Variants in MYH15 observed in about 807,000 individuals in gnomAD.
MYH15 encodes myosin heavy chain 15.
Under a neutral mutation model 240.5 loss-of-function variants are expected in MYH15, and 227 were observed. The observed-to-expected ratio is 0.94, with a 90% CI of 0.85 to 1.05. The LOEUF (loss-of-function observed/expected upper bound fraction) is 1.05, where lower values mean the gene tolerates loss of function less well. MYH15 is among the 50% of genes least tolerant of loss of function. The pLI, the probability that MYH15 is intolerant of heterozygous loss-of-function variation, is 0.00. For synonymous variants in MYH15, 785 were observed against 796.7 expected, an observed-to-expected ratio of 0.99 and a Z score of 0.25; for missense variants, 2,217 against 2,247.5, an observed-to-expected ratio of 0.99 and a Z score of 0.27.
chr3:108,458,060 TTAA>T (rs1262883757), intron 18 of MYH15, among the ~76,000 whole-genome samples: 1 of 151,750 alleles, frequency 6.6e-6, no homozygotes, highest in East Asian at 1.9e-4. Flanking sequence ...ATTATTTTTT[TTAA>T]AAAAGGGAGG....
At chr3:108,394,485 G>A (rs911306050) in intron 35 of MYH15, among the ~76,000 whole-genome samples, 5 of 152,228 alleles carry the variant, frequency 3.3e-5, no homozygotes, top group Non-Finnish European at 5.9e-5. Context: ...GCTTTTGGAT[G>A]TGGTAGAAAC....
At chr3:108,423,305 A>G (rs1053413601) in intron 27 of MYH15, among the ~76,000 whole-genome samples, 5 of 152,172 alleles carry the variant, frequency 3.3e-5, no homozygotes, top group African/African-American at 1.2e-4. Flanking sequence ...TCTCTGAAAG[A>G]CTACTGAATT....
chr3:108,448,026 C>A (rs2082942681), intron 21 of MYH15, among the ~76,000 whole-genome samples: 1 of 151,822 alleles, frequency 6.6e-6, no homozygotes, highest in Non-Finnish European at 1.5e-5. Context: ...TAAACTATTG[C>A]CAGCTTAAAA....
intron 1 of MYH15, 38 bp from the exon 2 acceptor site, chr3:108,505,867 T>G (rs1576274334): frequency 1.5e-6 from 2 of 1,346,712 alleles, no homozygotes; most frequent in East Asian, 4.7e-5. Flanking sequence ...ATTATAGCTA[T>G]AGTACTTACA....
chr3:108,536,735 A>G, the MYH15 span, among the ~76,000 whole-genome samples: 3 of 152,312 alleles, frequency 2.0e-5, no homozygotes, highest in Admixed American at 6.5e-5. Flanking sequence ...CAAGTTTCCA[A>G]TAAGGGGCCT....
intron 28 of MYH15, among the ~76,000 whole-genome samples, chr3:108,419,808 G>A (rs914612512): frequency 6.6e-6 from 1 of 152,068 alleles, no homozygotes; most frequent in African/African-American, 2.4e-5. Flanking sequence ...TGTGTTATAT[G>A]TAGCCCAAAT....
chr3:108,416,419 G>T (rs2082632918), intron 29 of MYH15, among the ~76,000 whole-genome samples: 1 of 152,176 alleles, frequency 6.6e-6, no homozygotes. Flanking sequence ...AGGAAGAAAT[G>T]ACTAATTTCT....
chr3:108,443,734 G>A (rs1221059183), intron 22 of MYH15, among the ~76,000 whole-genome samples: 1 of 151,944 alleles, frequency 6.6e-6, no homozygotes, highest in African/African-American at 2.4e-5. Context: ...CCCATAAAGC[G>A]ACATGATGCT....
intron 28 of MYH15, 33 bp from the exon 29 acceptor site, chr3:108,416,963 C>A: frequency 2.0e-6 from 3 of 1,508,368 alleles, no homozygotes; most frequent in Non-Finnish European, 2.8e-6. Context: ...TACATAATTA[C>A]AGTCTTCCTA....
At chr3:108,438,164 T>C (rs1304300919) in intron 24 of MYH15, among the ~76,000 whole-genome samples, 1 of 152,228 alleles carries the variant, frequency 6.6e-6, no homozygotes, top group Non-Finnish European at 1.5e-5. Flanking sequence ...ATGATCATCC[T>C]TAATAATTTG....
the MYH15 span, among the ~76,000 whole-genome samples, chr3:108,538,665 G>A: frequency 6.6e-6 from 1 of 152,144 alleles, no homozygotes; most frequent in Non-Finnish European, 1.5e-5. Context: ...AACTATCACT[G>A]TTTTGTGGAC....
At chr3:108,529,195 G>C in intron 1 of MYH15, 1 of 1,464,860 alleles carries the variant, frequency 6.8e-7, no homozygotes, top group South Asian at 1.2e-5. Flanking sequence ...TAAAATTCTA[G>C]GCTGCTACTG....
At chr3:108,539,481 T>A in the MYH15 span, among the ~76,000 whole-genome samples, 8 of 152,294 alleles carry the variant, frequency 5.3e-5, no homozygotes, top group Non-Finnish European at 4.4e-5. Flanking sequence ...CAAGCAACTA[T>A]GTATTAGCAG....
rs144221103 is a variant in MYH15 at position 108,455,765 on chromosome 3, G to C, written c.2233C>G (p.His745Asp). ...EELLGSLEID[H>D]TQYRFGITKV... ...GTGATTCCAAATCGGTACTGGGTAT[G>C]GTCTATCTCCAAGGAGCCAAGTAAT... The change falls in exon 20 of 41, where the codon CAT becomes GAT. Residue 745 changes from histidine (H) to aspartate (D), a missense_variant. His to Asp is a moderately conservative substitution (Grantham distance 81). Transcript: ENST00000693548. 1.1e-3 allele frequency: 1,845 copies of C among 1,613,816 alleles called. 3 individuals carry two copies. The highest frequency in any genetic ancestry group is 1.5e-3 in the Non-Finnish European group (1,749 of 1,179,812).
intron 1 of MYH15, among the ~76,000 whole-genome samples, chr3:108,523,477 T>A (rs1331728135): frequency 6.6e-6 from 1 of 152,036 alleles, no homozygotes; most frequent in African/African-American, 2.4e-5. Flanking sequence ...TAAAGAATTA[T>A]GTAAATGTTT....
the MYH15 span, among the ~76,000 whole-genome samples, chr3:108,540,628 T>C: frequency 6.6e-6 from 1 of 152,178 alleles, no homozygotes; most frequent in Admixed American, 6.5e-5. Flanking sequence ...TAATAAAAAT[T>C]TTTAGTAAAA....
chr3:108,477,442 T>C (rs1377467519), intron 11 of MYH15, among the ~76,000 whole-genome samples: 2 of 152,188 alleles, frequency 1.3e-5, no homozygotes, highest in Non-Finnish European at 2.9e-5. Context: ...CCAATAACTA[T>C]ACAGTTTAAA....
chr3:108,536,249 A>G, the MYH15 span, among the ~76,000 whole-genome samples: 1 of 152,120 alleles, frequency 6.6e-6, no homozygotes, highest in Admixed American at 6.5e-5. Context: ...TAGGTGACAG[A>G]GTGAGACTTT....
At chr3:108,549,762 A>T in the MYH15 span, 1 of 152,050 alleles carries the variant, frequency 6.6e-6, no homozygotes, top group East Asian at 1.9e-4. Context: ...ATAGGGTAGC[A>T]CTAGGCTAGG....
Sources: allele counts gnomAD v4.1 joint callset (sites outside exome capture counted in the v4.1 genomes callset), GRCh38; gene constraint gnomAD v4.1.1; transcripts MANE v1.5; gene names NCBI Gene and HGNC (gene_info 2026-07-23, HGNC 2026-07-21).